Variants in TTC29 observed in about 807,000 individuals in gnomAD.
TTC29 encodes tetratricopeptide repeat domain 29.
Under a neutral mutation model 58.1 loss-of-function variants are expected in TTC29, and 49 were observed. The ratio of observed to expected loss-of-function variants is 0.84; its 90% confidence interval spans 0.67 to 1.07. The LOEUF (loss-of-function observed/expected upper bound fraction) is 1.07. TTC29 is among the 50% of genes least tolerant of loss of function. The pLI, the probability that TTC29 is intolerant of heterozygous loss-of-function variation, is 0.00. For synonymous variants in TTC29, 209 were observed against 196.8 expected, an observed-to-expected ratio of 1.06 and a Z score of -0.52; for missense variants, 582 against 555.6, an observed-to-expected ratio of 1.05 and a Z score of -0.48.
chr4:146,907,133 A>C (rs1733573624), intron 5 of TTC29, among the ~76,000 whole-genome samples: 2 of 152,248 alleles, frequency 1.3e-5, no homozygotes, highest in Non-Finnish European at 2.9e-5. Flanking sequence ...AAACAAAACA[A>C]AAAGTTAGGC....
chr4:146,752,589 G>T (rs1746096005), intron 11 of TTC29, among the ~76,000 whole-genome samples: 1 of 151,594 alleles, frequency 6.6e-6, no homozygotes, highest in Admixed American at 6.6e-5. Context: ...AGCCCACATT[G>T]CCAAGTCAAT....
intron 11 of TTC29, among the ~76,000 whole-genome samples, chr4:146,708,340 A>ATATATATATATACATG (rs1742187536): frequency 2.5e-5 from 1 of 40,450 alleles, no homozygotes; most frequent in African/African-American, 6.4e-5. Context: ...ATATATATAT[A>ATATATATATATACATG]TATATATATA....
intron 11 of TTC29, among the ~76,000 whole-genome samples, chr4:146,737,548 G>A (rs1483844438): frequency 7.5e-6 from 1 of 133,586 alleles, no homozygotes; most frequent in East Asian, 2.3e-4. Flanking sequence ...TGGTCGGAAG[G>A]CCCTGAACGC....
intron 7 of TTC29, among the ~76,000 whole-genome samples, chr4:146,870,602 CA>C (rs1730867701): frequency 6.6e-6 from 1 of 150,578 alleles, no homozygotes; most frequent in Non-Finnish European, 1.5e-5. Context: ...TTAGACCAAA[CA>C]AAAAAGAAAA....
At chr4:146,787,589 A>T (rs898118983) in intron 11 of TTC29, among the ~76,000 whole-genome samples, 1 of 152,196 alleles carries the variant, frequency 6.6e-6, no homozygotes, top group African/African-American at 2.4e-5. Context: ...TGATCACTTT[A>T]TCTAAGCATC....
chr4:146,715,632 G>A (rs1320702918), intron 11 of TTC29, among the ~76,000 whole-genome samples: 1 of 152,134 alleles, frequency 6.6e-6, no homozygotes, highest in Non-Finnish European at 1.5e-5. Context: ...ATGGGAGAAG[G>A]TGGGAGATGT....
intron 9 of TTC29, 74 bp from the exon 10 acceptor site, chr4:146,820,322 G>T (rs887908079): frequency 6.7e-7 from 1 of 1,490,442 alleles, no homozygotes; most frequent in Non-Finnish European, 9.0e-7. Context: ...AGTATCTTGT[G>T]TCTTTGCTGT....
chr4:146,838,503 G>A (rs1271636755), intron 8 of TTC29, among the ~76,000 whole-genome samples: 7 of 151,538 alleles, frequency 4.6e-5, no homozygotes, highest in African/African-American at 7.3e-5. Context: ...TTTTGTGCCT[G>A]AGCTTTGACA....
intron 11 of TTC29, among the ~76,000 whole-genome samples, chr4:146,782,648 C>A (rs981343661): frequency 6.6e-6 from 1 of 151,864 alleles, no homozygotes; most frequent in Non-Finnish European, 1.5e-5. Flanking sequence ...TTTCACATAT[C>A]AATGTAATCT....
chr4:146,825,889 T>C (rs544246988), intron 9 of TTC29, among the ~76,000 whole-genome samples: 39 of 152,198 alleles, frequency 2.6e-4, no homozygotes, highest in Non-Finnish European at 3.5e-4. Flanking sequence ...TCGTTGTTGG[T>C]TTAAAGTCTG....
chr4:146,929,276 G>C (rs911239168), intron 4 of TTC29, among the ~76,000 whole-genome samples: 1 of 152,152 alleles, frequency 6.6e-6, no homozygotes, highest in African/African-American at 2.4e-5. Context: ...AAAATGCTTT[G>C]TTATGAATTC....
At chr4:146,724,924 T>C (rs1341063647) in intron 11 of TTC29, among the ~76,000 whole-genome samples, 4 of 152,180 alleles carry the variant, frequency 2.6e-5, no homozygotes, top group Non-Finnish European at 5.9e-5. Context: ...TTAATTTTTA[T>C]GGATTCTGTG....
At chr4:146,932,520 C>T (rs959780039) in intron 4 of TTC29, among the ~76,000 whole-genome samples, 1 of 152,114 alleles carries the variant, frequency 6.6e-6, no homozygotes, top group East Asian at 1.9e-4. Context: ...AATATTGTAT[C>T]TTAAATAAAT....
At chr4:146,888,291 A>G (rs1732124601) in intron 6 of TTC29, among the ~76,000 whole-genome samples, 1 of 152,186 alleles carries the variant, frequency 6.6e-6, no homozygotes, top group Admixed American at 6.5e-5. Flanking sequence ...CCAAGATAAA[A>G]TGTCAGGAGT....
At chr4:146,837,745 T>C (rs1728604416) in intron 8 of TTC29, among the ~76,000 whole-genome samples, 1 of 151,970 alleles carries the variant, frequency 6.6e-6, no homozygotes, top group Admixed American at 6.6e-5. Context: ...AGAGCCAGGA[T>C]CAGGATGGTT....
intron 11 of TTC29, among the ~76,000 whole-genome samples, chr4:146,738,531 G>A (rs1391228372): frequency 6.6e-6 from 1 of 152,074 alleles, no homozygotes; most frequent in Admixed American, 6.5e-5. Flanking sequence ...GAAGGGATCT[G>A]TGGTTGAAAA....
chr4:146,833,500 G>T (rs1728303520), intron 9 of TTC29, among the ~76,000 whole-genome samples: 1 of 152,044 alleles, frequency 6.6e-6, no homozygotes, highest in Non-Finnish European at 1.5e-5. Flanking sequence ...ATATTTCTGT[G>T]CTGTCTGCTT....
In TTC29 at chr4:146,939,837, T is replaced by G; in HGVS notation, c.59A>C (p.Gln20Pro). Residue 20 changes from glutamine to proline, a missense_variant, in exon 3 of 13, where the codon CAG (glutamine) becomes CCG (proline). Gln to Pro is a moderately conservative substitution (Grantham distance 76). Coordinates refer to ENST00000325106, the MANE Select transcript of TTC29 (RefSeq NM_031956.4). ...TRPKLTALAR[Q>P]KLPCSSRKIP... is the part of the protein sequence containing the mutation. The stretch of plus-strand genomic sequence containing the variant: ...TTTTCTGGAGGAGCAAGGCAGCTTC[T>G]GTCTGGCTAAGGCTGTAAGCTTCGG... 2 of 1,613,268 alleles carry G rather than the reference T, an allele frequency of 1.2e-6. No individual in the cohort carries two copies. The highest frequency in any genetic ancestry group is 1.7e-6 in the Non-Finnish European group (2 of 1,179,678).
chr4:146,939,850 C>A lies in TTC29; in HGVS notation c.46G>T (p.Ala16Ser). The change falls in exon 3 of 13, where the codon GCC becomes TCC. Residue 16 changes from alanine (A) to serine (S), a missense_variant. Transcript: ENST00000325106. ...PLPMTRPKLT[A>S]LARQKLPCSS... Reference sequence around the variant, plus strand: ...CAAGGCAGCTTCTGTCTGGCTAAGGCTGTAAGCTTCGGGCGTGTCATGGGC... The same window carrying A: ...CAAGGCAGCTTCTGTCTGGCTAAGGATGTAAGCTTCGGGCGTGTCATGGGC... 1 of 1,613,348 alleles carries A rather than the reference C, an allele frequency of 6.2e-7. No individual in the cohort carries two copies. The highest frequency in any genetic ancestry group is 8.5e-7 in the Non-Finnish European group (1 of 1,179,676).
Sources: allele counts gnomAD v4.1 joint callset (sites outside exome capture counted in the v4.1 genomes callset), GRCh38; gene constraint gnomAD v4.1.1; transcripts MANE v1.5; gene names NCBI Gene and HGNC (gene_info 2026-07-23, HGNC 2026-07-21).